The following GABRG3 variants were observed in gnomAD, a reference collection of about 807,000 sequenced individuals.
GABRG3 encodes the protein gamma-aminobutyric acid type A receptor subunit gamma3, also known as gamma-aminobutyric acid receptor subunit gamma-3.
GABRG3 carries 25 observed loss-of-function variants against 48.8 expected under a neutral mutation model. The ratio of observed to expected loss-of-function variants is 0.51; its 90% CI spans 0.37 to 0.72. The LOEUF (loss-of-function observed/expected upper bound fraction) is 0.72. Ranked by LOEUF, GABRG3 falls within the 30% of genes least tolerant of loss-of-function variation. The pLI, the probability that GABRG3 is intolerant of heterozygous loss-of-function variation, is 0.00. For missense variants in GABRG3, 394 were observed against 577.9 expected, an observed-to-expected ratio of 0.68 and a Z score of 3.26; for synonymous variants, 227 against 217.6, an observed-to-expected ratio of 1.04 and a Z score of -0.38.
intron 3 of GABRG3, among the ~76,000 whole-genome samples, chr15:27,047,903 A>G (rs1896390690): frequency 6.6e-6 from 1 of 152,230 alleles, no homozygotes; most frequent in South Asian, 2.1e-4. Context: ...TCATTTTGCT[A>G]AATGTGTTGA....
At chr15:27,248,827 G>C (rs867859796) in intron 3 of GABRG3, among the ~76,000 whole-genome samples, 3 of 146,876 alleles carry the variant, frequency 2.0e-5, no homozygotes, top group East Asian at 2.0e-4. Flanking sequence ...GAGAGAGAGA[G>C]AGAGAGAGAC....
rs758494609 is a variant in GABRG3, at chr15:26,976,874, G to T, written c.54-128G>T. ...TTAGAAAATATTTTCGGGTTTTCAC[G>T]TGTGTGGTTGGGCTGTGGGTACTGG... On this transcript the variant is annotated intron_variant, in intron 1 of 9. Coordinates refer to ENST00000615808, the MANE Select transcript of GABRG3 (RefSeq NM_033223.5). The surrounding 1 kb of genome is among the most constrained non-coding windows in gnomAD (Gnocchi z 7.8). 5 of 817,366 alleles carry T rather than the reference G, an allele frequency of 6.1e-6. No homozygotes were observed. Among genetic ancestry groups the T allele is most frequent in the East Asian group, 5.2e-5 (2 of 38,788 alleles). The allele number at this position is 817,366 out of a possible 1,614,324, so 50.6% of individuals were successfully genotyped here. A position where few individuals can be genotyped will look rare whatever the true frequency, so the allele number is the denominator to read the frequency against.
intron 3 of GABRG3, among the ~76,000 whole-genome samples, chr15:27,145,655 ATCTATCTATTG>A (rs1365078695): frequency 1.4e-5 from 2 of 148,132 alleles, no homozygotes; most frequent in African/African-American, 5.2e-5. Context: ...CTATCTATCT[ATCTATCTATTG>A]TGCCAGAAGG....
intron 5 of GABRG3, among the ~76,000 whole-genome samples, chr15:27,452,726 G>C (rs1223951543): frequency 6.6e-6 from 1 of 152,194 alleles, no homozygotes; most frequent in African/African-American, 2.4e-5. Context: ...AGGGATGACA[G>C]AGACAGACTA....
chr15:27,047,165 T>G (rs2140706257), intron 3 of GABRG3, among the ~76,000 whole-genome samples: 1 of 152,332 alleles, frequency 6.6e-6, no homozygotes, highest in African/African-American at 2.4e-5. Flanking sequence ...CAGGCCGCTG[T>G]GTTCTGAAGG....
At chr15:27,325,382 CATGGCTGCTGAGCCAT>C in intron 3 of GABRG3, among the ~76,000 whole-genome samples, 1 of 152,158 alleles carries the variant, frequency 6.6e-6, no homozygotes, top group African/African-American at 2.4e-5. Flanking sequence ...TGTGACCTGC[CATGGCTGCTGAGCCAT>C]GAGAGGCTTC....
rs1467349240 is a variant in GABRG3, at chr15:27,457,005, C to G, written c.575-23645C>G. Among the ~76,000 whole-genome samples the G allele has an allele frequency of 6.6e-6, 1 of 152,212 alleles. No individual in the cohort carries two copies. Among genetic ancestry groups the G allele is most frequent in the Non-Finnish European group, 1.5e-5 (1 of 68,042 alleles). ...AGCTCCCCACTTTCCCGAGCTCCACCTACCACGCCGACCTCAGAAGGACCT... is the reference window on the plus strand; with the variant it reads ...AGCTCCCCACTTTCCCGAGCTCCACGTACCACGCCGACCTCAGAAGGACCT... On this transcript the variant is annotated intron_variant, in intron 5 of 9. Coordinates refer to ENST00000615808, the MANE Select transcript of GABRG3 (RefSeq NM_033223.5). This position sits in a 1 kb window ranked among gnomAD's most constrained non-coding sequence, Gnocchi z 4.4.
intron 3 of GABRG3, among the ~76,000 whole-genome samples, chr15:27,286,002 G>A (rs1443608916): frequency 1.3e-5 from 2 of 152,178 alleles, no homozygotes; most frequent in South Asian, 2.1e-4. Context: ...AATTAATTAG[G>A]TTGGGATCTT....
intron 5 of GABRG3, among the ~76,000 whole-genome samples, chr15:27,437,926 T>C (rs998177917): frequency 6.6e-6 from 1 of 152,128 alleles, no homozygotes; most frequent in Non-Finnish European, 1.5e-5. Context: ...TTCCAGGCTC[T>C]TTAAACAACC....
chr15:27,085,163 G>A (rs1897055348), intron 3 of GABRG3, among the ~76,000 whole-genome samples: 2 of 152,194 alleles, frequency 1.3e-5, no homozygotes, highest in Admixed American at 6.5e-5. Context: ...TCTGACACTT[G>A]TGTGAGAACC....
At chr15:27,388,232 A>AG (rs1555376741) in intron 5 of GABRG3, among the ~76,000 whole-genome samples, 1 of 19,062 alleles carries the variant, frequency 5.2e-5, no homozygotes, top group African/African-American at 2.2e-4. Context: ...AAGGAAAGGG[A>AG]GGAGGGAGGG....
chr15:27,170,909 C>T (rs959766705), intron 3 of GABRG3, among the ~76,000 whole-genome samples: 3 of 152,274 alleles, frequency 2.0e-5, no homozygotes, highest in East Asian at 3.9e-4. Context: ...GATTTTGAAT[C>T]TCTCATCTCA....
chr15:27,530,618 C>T (rs1566881811), intron 9 of GABRG3: 2 of 471,096 alleles, frequency 4.2e-6, no homozygotes, highest in Non-Finnish European at 8.8e-6. Context: ...CTCCAGAAGC[C>T]ATCCTGCTGC....
chr15:27,330,007 C>T (rs950494373), intron 5 of GABRG3, among the ~76,000 whole-genome samples: 1 of 152,066 alleles, frequency 6.6e-6, no homozygotes, highest in Non-Finnish European at 1.5e-5. Context: ...TTTGGGAGGC[C>T]GAGGTGGGTG....
chr15:27,332,297 C>T (rs1424562460), intron 5 of GABRG3, among the ~76,000 whole-genome samples: 4 of 152,142 alleles, frequency 2.6e-5, no homozygotes, highest in African/African-American at 7.2e-5. Flanking sequence ...GAGCAGATCA[C>T]GAGGCCAGGA....
At chr15:26,987,815 C>G (rs1258700168) in intron 2 of GABRG3, among the ~76,000 whole-genome samples, 1 of 152,146 alleles carries the variant, frequency 6.6e-6, no homozygotes, top group African/African-American at 2.4e-5. Context: ...TTAATTTCCT[C>G]CTGTGTATTA....
intron 3 of GABRG3, among the ~76,000 whole-genome samples, chr15:27,064,563 T>C (rs1023343948): frequency 6.6e-6 from 1 of 152,162 alleles, no homozygotes; most frequent in Non-Finnish European, 1.5e-5. Context: ...CTTTGTTTGC[T>C]GTCCTCTAGC....
At chr15:26,998,228 A>G (rs1364806318) in intron 2 of GABRG3, among the ~76,000 whole-genome samples, 1 of 152,184 alleles carries the variant, frequency 6.6e-6, no homozygotes, top group East Asian at 1.9e-4. Flanking sequence ...TGTAAATCTA[A>G]GAGCGGCTTC....
intron 3 of GABRG3, among the ~76,000 whole-genome samples, chr15:27,313,278 A>ATATATATATGTATATG (rs1555370927): frequency 1.3e-5 from 1 of 79,832 alleles, no homozygotes; most frequent in Non-Finnish European, 2.3e-5. Context: ...ATATATATAT[A>ATATATATATGTATATG]TATATATATA....
Sources: allele counts gnomAD v4.1 joint callset (sites outside exome capture counted in the v4.1 genomes callset), GRCh38; gene constraint gnomAD v4.1.1; non-coding constraint Gnocchi (gnomAD v3.1); transcripts MANE v1.5; gene names NCBI Gene and HGNC (gene_info 2026-07-23, HGNC 2026-07-21).